BCORL1: variants seen among roughly 807,000 people sequenced by gnomAD.
BCORL1 encodes the protein BCL-6 corepressor-like protein 1.
Under a neutral mutation model 87.6 loss-of-function variants are expected in BCORL1, and 7 were observed. The ratio of observed to expected loss-of-function variants is 0.08; its 90% CI spans 0.05 to 0.15. The LOEUF is 0.15. Among genes scored for constraint, BCORL1 ranks in the 10% least tolerant of loss-of-function variants. The pLI is 1.00. For missense variants in BCORL1, 1,215 were observed against 1,499.7 expected, an observed-to-expected ratio of 0.81 and a Z score of 3.13; for synonymous variants, 591 against 634.4, an observed-to-expected ratio of 0.93 and a Z score of 1.03.
rs1411084001 is a variant in BCORL1, at chrX:130,013,922, C to G, written c.1150C>G (p.Pro384Ala). ...CTTTGCTCCTACACCGGTGCCTGCACCCACCCCAGCCCCCATCTTTACTCC... is the reference window on the plus strand; with the variant it reads ...CTTTGCTCCTACACCGGTGCCTGCAGCCACCCCAGCCCCCATCTTTACTCC... ...PAFAPTPVPA[P>A]TPAPIFTPAP... Residue 384 changes from proline to alanine, a missense_variant, in exon 4 of 14, where the codon CCC becomes GCC. Physicochemically the swap from Pro to Ala is conservative, Grantham distance 27. Coordinates refer to ENST00000540052, the MANE Select transcript of BCORL1 (RefSeq NM_001379451.1). 1 of 1,173,037 alleles carries G rather than the reference C, an allele frequency of 8.5e-7. No homozygotes were observed.
chrX:129,996,264 G>A (rs1336146432), intron 1 of BCORL1, among the ~76,000 whole-genome samples: 2 of 111,296 alleles, frequency 1.8e-5, no homozygotes, highest in African/African-American at 3.3e-5. Flanking sequence ...TGCTGGCCAC[G>A]CCTATCCTCT....
Position 130,014,209 on chromosome X carries a change from T to C in BCORL1, c.1437T>C (p.Pro479=). ...TLGVSSTLTL[P]VLPSYLQDRC... is the part of the protein sequence containing the mutation. ...GGGTTTCCTCCACTCTTACGCTCCC[T>C]GTCCTGCCGTCCTACCTGCAGGACA... The change falls in exon 4 of 14, where the codon CCT becomes CCC. Residue 479 remains proline (P), a synonymous_variant. Transcript: ENST00000540052. The C allele has an allele frequency of 1.7e-6, 2 of 1,211,027 alleles. No individual in the cohort carries two copies. The highest frequency in any genetic ancestry group is 3.5e-5 in the South Asian group (2 of 56,938).
chrX:130,047,274 A>G (rs1931812018), intron 11 of BCORL1, among the ~76,000 whole-genome samples: 1 of 110,958 alleles, frequency 9.0e-6, no homozygotes, highest in South Asian at 3.8e-4. Context: ...GACTTAGGGT[A>G]CTTTTTCAAG....
chrX:130,019,420 C>G (rs985501211), intron 4 of BCORL1, among the ~76,000 whole-genome samples: 1 of 112,597 alleles, frequency 8.9e-6, no homozygotes, highest in Non-Finnish European at 1.9e-5. Flanking sequence ...TAGTTTTTCT[C>G]CAGCCGTACC....
At chrX:130,032,577 G>A (rs1351042538) in intron 8 of BCORL1, among the ~76,000 whole-genome samples, 4 of 110,790 alleles carry the variant, frequency 3.6e-5, no homozygotes, top group African/African-American at 1.3e-4. Context: ...AAGATCAGGG[G>A]ATCACTGGGG....
At position 130,025,266 on chromosome X, in the gene BCORL1, A is replaced by G; in HGVS notation, c.3965A>G (p.Glu1322Gly). 1 of 1,210,398 alleles carries G rather than the reference A, an allele frequency of 8.3e-7. No individual in the cohort carries two copies. The highest frequency in any genetic ancestry group is 1.1e-6 in the Non-Finnish European group (1 of 894,775). The stretch of plus-strand genomic sequence containing the variant: ...ACCAATGAGGAGGAGGAGGAAGAAG[A>G]GGAGGAGGGCCTGCTGAAGAGGAAG... ...WDTNEEEEEE[E>G]EEGLLKRKKR... The change falls in exon 7 of 14, where the codon GAG becomes GGG. Residue 1322 changes from glutamate (E) to glycine (G), a missense_variant. Glu to Gly is a moderately conservative substitution (Grantham distance 98). Transcript: ENST00000540052.
intron 11 of BCORL1, among the ~76,000 whole-genome samples, chrX:130,040,076 G>A (rs1931219519): frequency 8.9e-6 from 1 of 112,453 alleles, no homozygotes; most frequent in Non-Finnish European, 1.9e-5. Flanking sequence ...TTTGGCCCTT[G>A]CTCTAGCAGT....
intron 9 of BCORL1, among the ~76,000 whole-genome samples, chrX:130,035,964 G>GCA (rs1930918264): frequency 8.9e-6 from 1 of 112,965 alleles, no homozygotes; most frequent in Non-Finnish European, 1.9e-5. Flanking sequence ...GACACAGGCT[G>GCA]CACACACAGC....
intron 5 of BCORL1, among the ~76,000 whole-genome samples, chrX:130,022,602 C>G (rs776900665): frequency 6.3e-5 from 7 of 111,263 alleles, no homozygotes; most frequent in African/African-American, 2.3e-4. Context: ...GGGCCTCCTA[C>G]TTTCCTACTT....
At chrX:130,054,564 A>T (rs781343820) in intron 13 of BCORL1, among the ~76,000 whole-genome samples, 1 of 110,560 alleles carries the variant, frequency 9.0e-6, no homozygotes, top group African/African-American at 3.3e-5. Context: ...AGAGACAGAG[A>T]AAGAGAGAGA....
At chrX:130,048,207 C>T (rs1931870375) in intron 11 of BCORL1, among the ~76,000 whole-genome samples, 2 of 112,144 alleles carry the variant, frequency 1.8e-5, no homozygotes, top group South Asian at 7.5e-4. Context: ...GTGTTCTTGT[C>T]GATAGGATGA....
upstream of BCORL1, chrX:129,981,894 G>GGGGA (rs1926124835): frequency 1.1e-5 from 1 of 94,291 alleles, no homozygotes; most frequent in Non-Finnish European, 2.1e-5. Context: ...GAGGGGTTCC[G>GGGGA]GGGAGGGAGA....
intron 1 of BCORL1, among the ~76,000 whole-genome samples, chrX:129,985,267 G>A (rs1926503747): frequency 8.9e-6 from 1 of 111,925 alleles, no homozygotes; most frequent in South Asian, 3.7e-4. Flanking sequence ...GGTTGGAAGG[G>A]AGTTTTAAGG....
At chrX:130,006,739 T>TTTTGTA (rs1448273559) in intron 2 of BCORL1, among the ~76,000 whole-genome samples, 1 of 108,773 alleles carries the variant, frequency 9.2e-6, no homozygotes, top group Non-Finnish European at 1.9e-5. Context: ...ACCTGGCCAA[T>TTTTGTA]TTTTGTATTT....
At chrX:130,033,007 C>A (rs1057037925) in intron 8 of BCORL1, among the ~76,000 whole-genome samples, 6 of 109,694 alleles carry the variant, frequency 5.5e-5, no homozygotes, top group Non-Finnish European at 1.1e-4. Flanking sequence ...TGGTGATCCA[C>A]CCGCTTCAGC....
rs199575306 is a variant in BCORL1 at position 130,014,863 on chromosome X, G to A, written c.2091G>A (p.Gly697=). The A allele has an allele frequency of 2.5e-6, 3 of 1,209,393 alleles. No homozygotes were observed. The highest frequency in any genetic ancestry group is 3.5e-5 in the African/African-American group (2 of 56,937). The change falls in exon 4 of 14, where the codon GGG becomes GGA. Residue 697 remains glycine (G), a synonymous_variant. Coordinates refer to ENST00000540052, the MANE Select transcript of BCORL1 (RefSeq NM_001379451.1). ...TCTTTCCCGAGATCGTGAGGAATGG[G>A]GACCCGAGCACCTGGGTGAAGAACT... is the stretch of plus-strand genomic sequence containing the variant. The part of the protein sequence containing the change: ...FVIFPEIVRN[G]DPSTWVKNST...
chrX:130,008,993 AT>A (rs1272554405), intron 2 of BCORL1, among the ~76,000 whole-genome samples: 1 of 112,148 alleles, frequency 8.9e-6, no homozygotes, highest in African/African-American at 3.2e-5. Flanking sequence ...GTTCTAGTAC[AT>A]TGGTGGTGAG....
At chrX:130,022,236 CTTTTTTTTTTT>C (rs34598574) in intron 5 of BCORL1, among the ~76,000 whole-genome samples, 5 of 56,335 alleles carry the variant, frequency 8.9e-5, no homozygotes, top group African/African-American at 2.3e-4. Flanking sequence ...TTCTTTCTTT[CTTTTTTTTTTT>C]TTTTTTTTTT....
In BCORL1 at chrX:130,014,251, G is replaced by A; in HGVS notation, c.1479G>A (p.Val493=). 1.7e-6 allele frequency: 2 copies of A among 1,211,023 alleles called. No homozygotes were observed. The highest frequency in any genetic ancestry group is 2.2e-6 in the Non-Finnish European group (2 of 895,352). The change falls in exon 4 of 14, where the codon GTG becomes GTA. Residue 493 remains valine, a synonymous_variant. Coordinates refer to ENST00000540052, the MANE Select transcript of BCORL1 (RefSeq NM_001379451.1). ...TGCAGGACAGGTGTCTCCCAGGCGT[G>A]CTAGCCTCCCCCGAGCTCCGTTCTT... The part of the protein sequence containing the change: ...SYLQDRCLPG[V]LASPELRSYP...
Sources: gnomAD v4.1 joint callset for allele counts (sites outside exome capture counted in the v4.1 genomes callset) on GRCh38, gnomAD v4.1.1 for gene constraint, MANE v1.5 for transcripts, NCBI Gene and HGNC (gene_info 2026-07-23, HGNC 2026-07-21) for gene names.